The following PEAR1 variants were observed in gnomAD, a reference collection of about 807,000 sequenced individuals.
PEAR1 encodes the protein multiple EGF-like domains protein 12.
PEAR1 carries 113 observed loss-of-function variants against 131.2 expected under a neutral mutation model. The ratio of observed to expected loss-of-function variants is 0.86; its 90% CI spans 0.74 to 1.01. The LOEUF (loss-of-function observed/expected upper bound fraction) is 1.01. Among genes scored for constraint, PEAR1 ranks in the 50% least tolerant of loss-of-function variants. The pLI, the probability that PEAR1 is intolerant of heterozygous loss-of-function variation, is 0.00. For missense variants in PEAR1, 1,408 were observed against 1,391.1 expected, an observed-to-expected ratio of 1.01 and a Z score of -0.19; for synonymous variants, 565 against 523.3, an observed-to-expected ratio of 1.08 and a Z score of -1.09.
chr1:156,903,614 A>G (rs995962693), intron 1 of PEAR1, among the ~76,000 whole-genome samples: 4 of 152,172 alleles, frequency 2.6e-5, no homozygotes, highest in Non-Finnish European at 4.4e-5. Flanking sequence ...TCATCTGCCA[A>G]TGAGCATCAG....
rs369318385 is a variant in PEAR1 at position 156,907,810 on chromosome 1, T to TGC, written c.765+81_765+82insCG. On this transcript the variant is annotated intron_variant, in intron 7 of 22. Transcript: ENST00000292357. ...GGTGGTGCTAAGCAGGGCTCCAAGG[T>TGC]GAGTGAGGGGGGTGAGCTCTGTGGT... The TGC allele has an allele frequency of 7.8e-6, 12 of 1,532,286 alleles. 1 individual carries two copies. The highest frequency in any genetic ancestry group is 5.2e-5 in the African/African-American group (3 of 58,242). The allele number at this position is 1,532,286 out of a possible 1,614,324, so 94.9% of individuals were successfully genotyped here. A position where few individuals can be genotyped will look rare whatever the true frequency, so the allele number is the denominator to read the frequency against.
chr1:156,913,315 G>T (rs1158650316), intron 19 of PEAR1, 33 bp downstream of exon 19: 2 of 1,596,188 alleles, frequency 1.3e-6, no homozygotes, highest in South Asian at 2.3e-5. Flanking sequence ...CACTGTGGAG[G>T]GAAGCGCACA....
At chr1:156,895,968 T>C (rs947691263) in intron 1 of PEAR1, among the ~76,000 whole-genome samples, 5 of 152,002 alleles carry the variant, frequency 3.3e-5, no homozygotes, top group African/African-American at 1.2e-4. Context: ...CATGGGCCCA[T>C]CTACTCAAGA....
At chr1:156,905,071 G>A in intron 3 of PEAR1, 2 of 1,287,300 alleles carry the variant, frequency 1.6e-6, no homozygotes, top group Non-Finnish European at 2.2e-6. Context: ...TACAGTATAT[G>A]CCTGTGGGGT....
chr1:156,907,946 G>T lies in PEAR1; in HGVS notation c.797G>T (p.Gly266Val). The T allele has an allele frequency of 6.3e-7, 1 of 1,588,080 alleles. No individual in the cohort carries two copies. The highest frequency in any genetic ancestry group is 8.6e-7 in the Non-Finnish European group (1 of 1,166,256). ...ATCTGCTCCCTGCCCTGCCCAGAGG[G>T]CTTTCACGGACCCAACTGCTCCCAG... ...GTICSLPCPE[G>V]FHGPNCSQEC... The change falls in exon 8 of 23, where the codon GGC becomes GTC. Residue 266 changes from glycine to valine, a missense_variant. Gly to Val is a moderately radical substitution (Grantham distance 109). Transcript: ENST00000292357.
rs768801132 is a variant in PEAR1, at chr1:156,913,546, C to G, written c.2644+23C>G. 8 of 1,610,302 alleles carry G rather than the reference C, an allele frequency of 5.0e-6. No homozygotes were observed. In the East Asian group the frequency reaches 1.6e-4, roughly 31 times the overall value. On this transcript the variant is annotated intron_variant, in intron 20 of 22. Coordinates refer to ENST00000292357, the MANE Select transcript of PEAR1 (RefSeq NM_001080471.3). Reference sequence around the variant, plus strand: ...GGGGTAGGTGCCGGGAGGCCAGGGTCTCTGGCGCGGGTGGATGTGTGCAGC... The same window carrying G: ...GGGGTAGGTGCCGGGAGGCCAGGGTGTCTGGCGCGGGTGGATGTGTGCAGC...
At chr1:156,901,745 T>C (rs1267123170) in intron 1 of PEAR1, among the ~76,000 whole-genome samples, 1 of 151,902 alleles carries the variant, frequency 6.6e-6, no homozygotes, top group Non-Finnish European at 1.5e-5. Context: ...TATGGAGGGC[T>C]CGGGGTCCTG....
chr1:156,906,906 T>G (rs371288705), intron 6 of PEAR1, 26 bp downstream of exon 6: 1 of 1,606,968 alleles, frequency 6.2e-7, no homozygotes, highest in African/African-American at 1.3e-5. Flanking sequence ...AACGACACTT[T>G]AACAAGATCG....
In PEAR1 at chr1:156,913,297, AG is replaced by A. The variant is rs542131490; in HGVS notation, c.2511+20del. On this transcript the variant is annotated intron_variant, in intron 19 of 22. Transcript: ENST00000292357. Reference sequence around the variant, plus strand: ...CCCCTAACAAGGTCAGTGCCGGGGGAGGGGGTGCACTGTGGAGGGAAGCGCA... The same window carrying A: ...CCCCTAACAAGGTCAGTGCCGGGGGAGGGGTGCACTGTGGAGGGAAGCGCA... 3.9e-5 allele frequency: 62 copies of A among 1,600,298 alleles called. No individual in the cohort carries two copies. In the East Asian group the frequency reaches 1.3e-3, roughly 34 times the overall value.
At position 156,908,519 on chromosome 1, in the gene PEAR1, C is replaced by T. The variant is rs559652555; in HGVS notation, c.1116-136C>T. ...CCGCTACTTGCCCCAACCCAGTTTTCAGAATAGCGCGGAGCCTCCCTAGTG... is the reference window on the plus strand; with the variant it reads ...CCGCTACTTGCCCCAACCCAGTTTTTAGAATAGCGCGGAGCCTCCCTAGTG... On this transcript the variant is annotated intron_variant, in intron 9 of 22. Transcript: ENST00000292357. This position sits in a 1 kb window ranked among gnomAD's most constrained non-coding sequence, Gnocchi z 4.2. 367 of 1,203,622 alleles carry T rather than the reference C, an allele frequency of 3.0e-4. No individual in the cohort carries two copies. In the African/African-American group the frequency reaches 5.4e-3, roughly 18 times the overall value. 74.6% of individuals were successfully genotyped at this position (1,203,622 alleles called of 1,614,324 possible).
chr1:156,905,933 C>T (rs1326870701), intron 4 of PEAR1, among the ~76,000 whole-genome samples: 2 of 152,192 alleles, frequency 1.3e-5, no homozygotes, highest in East Asian at 1.9e-4. Flanking sequence ...CTGCCCATCA[C>T]GAGCCTCTGC....
At chr1:156,905,092 GC>G in intron 3 of PEAR1, 1 of 990,522 alleles carries the variant, frequency 1.0e-6, no homozygotes, top group Non-Finnish European at 1.5e-6. Flanking sequence ...TGGGGGGGGG[GC>G]AAGAAGGGAA....
chr1:156,913,335 C>T lies in PEAR1; in HGVS notation c.2511+53C>T. 9 of 1,601,146 alleles carry T rather than the reference C, an allele frequency of 5.6e-6. No individual in the cohort carries two copies. In the South Asian group the frequency reaches 1.0e-4, roughly 18 times the overall value. On this transcript the variant is annotated intron_variant, in intron 19 of 22. Transcript: ENST00000292357. Reference sequence around the variant, plus strand: ...TGGAGGGAAGCGCACAGACCAGCTTCTCTGGAAAGCCCTGTCCTTGCCTCT... The same window carrying T: ...TGGAGGGAAGCGCACAGACCAGCTTTTCTGGAAAGCCCTGTCCTTGCCTCT...
intron 4 of PEAR1, 94 bp from the exon 5 acceptor site, chr1:156,906,182 C>T: frequency 1.7e-6 from 2 of 1,174,686 alleles, no homozygotes; most frequent in South Asian, 1.4e-5. Flanking sequence ...CTTCAGGTCC[C>T]TGGTTTTGGA....
At chr1:156,905,635 G>A (rs1364697037) in intron 4 of PEAR1, among the ~76,000 whole-genome samples, 3 of 151,900 alleles carry the variant, frequency 2.0e-5, no homozygotes, top group Admixed American at 6.6e-5. Flanking sequence ...GTCTCCAGCC[G>A]GCCCCATGTG....
In PEAR1 at chr1:156,906,806, C is replaced by T; in HGVS notation, c.570C>T (p.Arg190=). The stretch of plus-strand genomic sequence containing the variant: ...ACTATGGCCCTGCCTGCCAGTTCCG[C>T]TGCCAGTGCCATGGGGCACCCTGCG... ...PGYYGPACQF[R]CQCHGAPCDP... Residue 190 remains arginine (R), a synonymous_variant, in exon 6 of 23, where the codon CGC becomes CGT. Transcript: ENST00000292357. The T allele has an allele frequency of 6.2e-7, 1 of 1,614,252 alleles. No individual in the cohort carries two copies.
chr1:156,912,261 C>T lies in PEAR1; in HGVS notation c.1966C>T (p.His656Tyr). The change falls in exon 16 of 23, where the codon CAC becomes TAC. Residue 656 changes from histidine to tyrosine, a missense_variant. Transcript: ENST00000292357. ...PDCSQPCPPG[H>Y]WGENCAQTCQ... ...GTCTCCCGTAGCATGCCCTCCAGGA[C>T]ACTGGGGAGAAAACTGTGCCCAGAC... 1 of 1,613,412 alleles carries T rather than the reference C, an allele frequency of 6.2e-7. No homozygotes were observed. Among genetic ancestry groups the T allele is most frequent in the Non-Finnish European group, 8.5e-7 (1 of 1,179,702 alleles).
At chr1:156,894,113 C>T (rs1648924518) in intron 1 of PEAR1, among the ~76,000 whole-genome samples, 3 of 152,180 alleles carry the variant, frequency 2.0e-5, no homozygotes, top group African/African-American at 7.2e-5. Context: ...TCCCTAAGCC[C>T]CTGGTCCCCG....
intron 15 of PEAR1, among the ~76,000 whole-genome samples, chr1:156,911,468 C>A (rs895556782): frequency 6.6e-6 from 1 of 151,644 alleles, no homozygotes. Flanking sequence ...TTAGTAGAGA[C>A]CCCTGGGGTT....
Sources: allele counts gnomAD v4.1 joint callset (sites outside exome capture counted in the v4.1 genomes callset), GRCh38; gene constraint gnomAD v4.1.1; non-coding constraint Gnocchi (gnomAD v3.1); transcripts MANE v1.5; gene names NCBI Gene and HGNC (gene_info 2026-07-23, HGNC 2026-07-21).